DPP6: variants seen among roughly 807,000 people sequenced by gnomAD.
DPP6 encodes A-type potassium channel modulatory protein DPP6.
DPP6 carries 69 observed loss-of-function variants against 122.6 expected under a neutral mutation model. That is an observed-to-expected ratio of 0.56 (90% CI 0.46 to 0.69). The LOEUF (loss-of-function observed/expected upper bound fraction) is 0.69. Ranked by LOEUF, DPP6 falls within the 30% of genes least tolerant of loss-of-function variation. DPP6 has a pLI of 0.00. For missense variants in DPP6, 928 were observed against 1,116.9 expected, an observed-to-expected ratio of 0.83 and a Z score of 2.41; for synonymous variants, 418 against 433.1, an observed-to-expected ratio of 0.97 and a Z score of 0.43.
At chr7:154,433,129 A>C in intron 1 of DPP6, among the ~76,000 whole-genome samples, 3 of 136,266 alleles carry the variant, frequency 2.2e-5, no homozygotes, top group Admixed American at 7.6e-5. Context: ...CTCATACTAG[A>C]CTGCAAGTTT....
chr7:154,458,515 G>A (rs550265053), intron 2 of DPP6, among the ~76,000 whole-genome samples: 78 of 152,254 alleles, frequency 5.1e-4, no homozygotes, highest in Admixed American at 1.0e-3. Context: ...CTCCAAGAGC[G>A]TGCAGCCCTG....
intron 1 of DPP6, among the ~76,000 whole-genome samples, chr7:153,914,200 C>G (rs1800209456): frequency 2.0e-5 from 3 of 152,192 alleles, no homozygotes; most frequent in Admixed American, 2.0e-4. Context: ...AGTTTCCCTG[C>G]ACAAGTTCTG....
chr7:153,753,336 G>GTA, the DPP6 span, among the ~76,000 whole-genome samples: 28 of 152,178 alleles, frequency 1.8e-4, no homozygotes, highest in East Asian at 4.4e-3. Context: ...GATGACAATT[G>GTA]TATATATATT....
chr7:154,673,221 G>C (rs1317535826), intron 7 of DPP6, among the ~76,000 whole-genome samples: 1 of 152,202 alleles, frequency 6.6e-6, no homozygotes, highest in African/African-American at 2.4e-5. Context: ...TAATTATAAT[G>C]AGTCAGATTG....
intron 1 of DPP6, among the ~76,000 whole-genome samples, chr7:154,393,674 A>G (rs1012105007): frequency 3.3e-5 from 5 of 151,838 alleles, no homozygotes; most frequent in African/African-American, 1.2e-4. Context: ...CATCTTAACC[A>G]TTTTGAGGTG....
the DPP6 span, among the ~76,000 whole-genome samples, chr7:153,763,691 G>A: frequency 2.8e-4 from 43 of 152,196 alleles, no homozygotes; most frequent in African/African-American, 8.9e-4. Flanking sequence ...GGATTTGGGC[G>A]TTTTGTGGCA....
At chr7:154,239,837 A>G (rs1011822628) in intron 1 of DPP6, among the ~76,000 whole-genome samples, 1 of 151,064 alleles carries the variant, frequency 6.6e-6, no homozygotes, top group Non-Finnish European at 1.5e-5. Context: ...AAAAAAAAGA[A>G]AAAGAAAAGC....
rs879122176 is a variant in DPP6, at chr7:154,061,761, T to A, written c.243+8698T>A. Among the ~76,000 whole-genome samples the A allele has an allele frequency of 5.0e-5, 4 of 79,548 alleles. 1 individual carries two copies. Among genetic ancestry groups the A allele is most frequent in the African/African-American group, 9.3e-5 (2 of 21,578 alleles). The allele number at this position is 79,548 out of a possible 152,430, so 52.2% of individuals were successfully genotyped here. On this transcript the variant is annotated intron_variant, in intron 1 of 25. Transcript: ENST00000377770. The stretch of plus-strand genomic sequence containing the variant: ...CTCCCCCTTTCCTCCCCTGGCTCTT[T>A]GCACCCCCATCGCAGGGAGGGAGGC...
chr7:154,039,258 A>T (rs1313044169), intron 1 of DPP6, among the ~76,000 whole-genome samples: 1 of 146,108 alleles, frequency 6.8e-6, no homozygotes, highest in Non-Finnish European at 1.5e-5. Flanking sequence ...CTAGCTTCCC[A>T]GGTACATTGC....
chr7:154,229,275 T>C (rs1258067537), intron 1 of DPP6, among the ~76,000 whole-genome samples: 3 of 152,212 alleles, frequency 2.0e-5, no homozygotes, highest in Non-Finnish European at 4.4e-5. Context: ...ATGGTACTGG[T>C]AAAGACATAT....
At chr7:154,181,667 C>G (rs1403442888) in intron 1 of DPP6, among the ~76,000 whole-genome samples, 1 of 151,948 alleles carries the variant, frequency 6.6e-6, no homozygotes, top group East Asian at 1.9e-4. Flanking sequence ...GACCCCTTAT[C>G]TCTCTGTGTG....
At position 154,160,848 on chromosome 7, in the gene DPP6, G is replaced by A. The variant is rs576868766; in HGVS notation, c.243+107785G>A. ...TGACTATCCTAATACAGTCAGAAGA[G>A]GACTTAATAATCAGCCAGGCAGGTG... is the stretch of plus-strand genomic sequence containing the variant. On this transcript the variant is annotated intron_variant, in intron 1 of 25. Coordinates refer to ENST00000377770, the MANE Select transcript of DPP6 (RefSeq NM_130797.4). 7.2e-5 allele frequency among the ~76,000 whole-genome samples: 11 copies of A among 152,290 alleles called. No individual in the cohort carries two copies. In the South Asian group the frequency reaches 2.3e-3, roughly 32 times the overall value.
intron 1 of DPP6, among the ~76,000 whole-genome samples, chr7:154,087,696 T>C (rs1440551983): frequency 6.6e-6 from 1 of 152,194 alleles, no homozygotes; most frequent in Non-Finnish European, 1.5e-5. Flanking sequence ...CGTTCTTGCT[T>C]TTCTAGCCAG....
intron 1 of DPP6, among the ~76,000 whole-genome samples, chr7:154,041,845 G>T (rs1219165088): frequency 6.6e-6 from 1 of 151,900 alleles, no homozygotes; most frequent in East Asian, 1.9e-4. Flanking sequence ...TGCAACCTCT[G>T]ACTCCCTGGT....
chr7:153,792,993 C>T, the DPP6 span, among the ~76,000 whole-genome samples: 35 of 152,264 alleles, frequency 2.3e-4, no homozygotes, highest in Non-Finnish European at 3.8e-4. Context: ...TGAGGCCTCC[C>T]GCCAGCCATG....
chr7:153,891,048 G>C (rs1329185067), intron 1 of DPP6, among the ~76,000 whole-genome samples: 2 of 114,284 alleles, frequency 1.8e-5, no homozygotes, highest in African/African-American at 6.9e-5. Flanking sequence ...TTGAGATGGA[G>C]TCTCACTCTG....
intron 1 of DPP6, among the ~76,000 whole-genome samples, chr7:154,175,582 A>G (rs1797757731): frequency 6.6e-6 from 1 of 152,144 alleles, no homozygotes; most frequent in African/African-American, 2.4e-5. Context: ...CCTGGGACCT[A>G]TAGAACTATA....
upstream of DPP6, among the ~76,000 whole-genome samples, chr7:153,882,610 C>A (rs1798784607): frequency 6.6e-6 from 1 of 152,226 alleles, no homozygotes; most frequent in Middle Eastern, 3.2e-3. Flanking sequence ...GCCAGCAGTA[C>A]ATAAATTGAG....
intron 1 of DPP6, among the ~76,000 whole-genome samples, chr7:154,322,435 A>G (rs1808055051): frequency 6.6e-6 from 1 of 152,220 alleles, no homozygotes; most frequent in African/African-American, 2.4e-5. Flanking sequence ...AGAGTCAACT[A>G]CCGAAGGAAG....
Sources: gnomAD v4.1 joint callset for allele counts (sites outside exome capture counted in the v4.1 genomes callset) on GRCh38, gnomAD v4.1.1 for gene constraint, MANE v1.5 for transcripts, NCBI Gene and HGNC (gene_info 2026-07-23, HGNC 2026-07-21) for gene names.